The following MMP16 variants were observed in gnomAD, a reference collection of about 807,000 sequenced individuals.
MMP16 encodes the protein matrix metalloproteinase-16.
MMP16 carries 12 observed loss-of-function variants against 67.8 expected under a neutral mutation model. The observed-to-expected ratio is 0.18, with a 90% CI of 0.11 to 0.29. The LOEUF is 0.29. Ranked by LOEUF, MMP16 falls within the 10% of genes least tolerant of loss-of-function variation. The pLI, the probability that MMP16 is intolerant of heterozygous loss-of-function variation, is 1.00. For missense variants in MMP16, 475 were observed against 765.7 expected, an observed-to-expected ratio of 0.62 and a Z score of 4.48; for synonymous variants, 249 against 255.9, an observed-to-expected ratio of 0.97 and a Z score of 0.26.
intron 3 of MMP16, among the ~76,000 whole-genome samples, chr8:88,171,520 A>T (rs1191294219): frequency 2.6e-5 from 4 of 152,194 alleles, no homozygotes; most frequent in African/African-American, 9.7e-5. Flanking sequence ...AATAAATAGA[A>T]ACTGACACTG....
At chr8:88,236,041 A>C (rs1192561190) in intron 1 of MMP16, among the ~76,000 whole-genome samples, 1 of 152,260 alleles carries the variant, frequency 6.6e-6, no homozygotes, top group Non-Finnish European at 1.5e-5. Flanking sequence ...ATGCTATAGC[A>C]ATAAAGTAAA....
intron 1 of MMP16, among the ~76,000 whole-genome samples, chr8:88,224,276 A>C (rs1174805354): frequency 6.6e-6 from 1 of 152,086 alleles, no homozygotes; most frequent in African/African-American, 2.4e-5. Flanking sequence ...CCTCTTTAAG[A>C]ATTTAATACA....
intron 1 of MMP16, among the ~76,000 whole-genome samples, chr8:88,282,979 T>A (rs1810765141): frequency 1.3e-5 from 2 of 152,196 alleles, no homozygotes; most frequent in African/African-American, 4.8e-5. Context: ...CTTTTTTATA[T>A]ATGGCATGTT....
intron 4 of MMP16, among the ~76,000 whole-genome samples, chr8:88,134,715 T>C (rs1282796378): frequency 6.6e-6 from 1 of 151,752 alleles, no homozygotes. Context: ...GCTTATTTAA[T>C]ACAAATGTTC....
chr8:88,095,371 C>T (rs530919733), intron 6 of MMP16, among the ~76,000 whole-genome samples: 30 of 151,684 alleles, frequency 2.0e-4, no homozygotes, highest in Admixed American at 1.1e-3. Flanking sequence ...GTTTTGACTC[C>T]GATCTCTGAC....
chr8:88,269,025 G>A (rs534820755), intron 1 of MMP16, among the ~76,000 whole-genome samples: 1 of 152,168 alleles, frequency 6.6e-6, no homozygotes, highest in African/African-American at 2.4e-5. Context: ...CAGCAATCCA[G>A]ACTGAAGCAC....
At chr8:88,044,803 T>A (rs192809312) in intron 9 of MMP16, among the ~76,000 whole-genome samples, 1 of 152,342 alleles carries the variant, frequency 6.6e-6, no homozygotes, top group East Asian at 1.9e-4. Context: ...TACACGTTTA[T>A]TAGTAAGAAG....
chr8:88,266,285 T>C (rs1308795134), intron 1 of MMP16, among the ~76,000 whole-genome samples: 1 of 152,210 alleles, frequency 6.6e-6, no homozygotes, highest in African/African-American at 2.4e-5. Flanking sequence ...TATGTTTATA[T>C]CCATCAGACT....
chr8:88,228,643 AGTCT>A (rs2129866628), intron 1 of MMP16, among the ~76,000 whole-genome samples: 1 of 152,208 alleles, frequency 6.6e-6, no homozygotes, highest in African/African-American at 2.4e-5. Flanking sequence ...CACATCTGAG[AGTCT>A]GTCTTAAAAC....
chr8:88,163,739 C>G (rs1339895530), intron 4 of MMP16, among the ~76,000 whole-genome samples: 1 of 152,028 alleles, frequency 6.6e-6, no homozygotes. Context: ...CAAAATAAAT[C>G]TTAACATTTT....
At chr8:88,067,477 T>C (rs1002994068) in intron 7 of MMP16, among the ~76,000 whole-genome samples, 4 of 152,110 alleles carry the variant, frequency 2.6e-5, no homozygotes, top group Admixed American at 6.6e-5. Flanking sequence ...ATTTAATGTG[T>C]ATAATTTATT....
At chr8:88,205,050 T>C (rs1347662347) in intron 1 of MMP16, among the ~76,000 whole-genome samples, 1 of 152,190 alleles carries the variant, frequency 6.6e-6, no homozygotes, top group African/African-American at 2.4e-5. Flanking sequence ...CAGGTCTCCA[T>C]AAAAACAACT....
intron 1 of MMP16, among the ~76,000 whole-genome samples, chr8:88,301,908 A>G (rs972726252): frequency 2.0e-5 from 3 of 152,208 alleles, no homozygotes; most frequent in Non-Finnish European, 4.4e-5. Flanking sequence ...GGTTATTTTT[A>G]TCAACAGTGA....
intron 4 of MMP16, among the ~76,000 whole-genome samples, chr8:88,151,362 C>T (rs937485912): frequency 1.3e-4 from 19 of 149,832 alleles, no homozygotes; most frequent in Non-Finnish European, 2.7e-4. Context: ...ACCAAGCGGA[C>T]CTAATAGACA....
intron 3 of MMP16, among the ~76,000 whole-genome samples, chr8:88,178,915 G>C (rs1808935103): frequency 6.6e-6 from 1 of 151,938 alleles, no homozygotes; most frequent in Admixed American, 6.6e-5. Flanking sequence ...TGTAATATTA[G>C]CTGTGGGTTT....
intron 4 of MMP16, among the ~76,000 whole-genome samples, chr8:88,145,937 T>TC (rs1226235704): frequency 5.3e-5 from 8 of 151,944 alleles, no homozygotes; most frequent in Admixed American, 2.6e-4. Flanking sequence ...TATAGGAACA[T>TC]CTCTCTTCCT....
rs542671360 is a variant in MMP16 at position 88,119,756 on chromosome 8, G to A, written c.710-895C>T. Among the ~76,000 whole-genome samples the A allele has an allele frequency of 1.5e-3, 231 of 152,106 alleles. 4 individuals are homozygous for A. The South Asian group carries it at 0.043, about 29-fold the overall frequency. On this transcript the variant is annotated intron_variant, in intron 4 of 9. Coordinates refer to ENST00000286614, the MANE Select transcript of MMP16 (RefSeq NM_005941.5). ...AATGCTAAAAATTTACTTGGACAAC[G>A]TGGTGTATCAAATAGCTGGGGCTGT...
chr8:88,091,235 T>C (rs1015735958), intron 6 of MMP16, among the ~76,000 whole-genome samples: 5 of 151,896 alleles, frequency 3.3e-5, no homozygotes, highest in African/African-American at 1.2e-4. Flanking sequence ...TTCATTCTTG[T>C]TGAATATTTT....
intron 7 of MMP16, among the ~76,000 whole-genome samples, chr8:88,062,041 G>T (rs1372896209): frequency 6.6e-6 from 1 of 151,966 alleles, no homozygotes; most frequent in East Asian, 1.9e-4. Context: ...ATACCACCTT[G>T]CCTGCTGAGT....
Sources: gnomAD v4.1 joint callset for allele counts (sites outside exome capture counted in the v4.1 genomes callset) on GRCh38, gnomAD v4.1.1 for gene constraint, MANE v1.5 for transcripts, NCBI Gene and HGNC (gene_info 2026-07-23, HGNC 2026-07-21) for gene names.